The following PXDC1 variants were observed in gnomAD, a reference collection of about 807,000 sequenced individuals.
PXDC1 encodes PX domain containing 1.
A neutral mutation model predicts 24.4 loss-of-function variants in PXDC1; 13 were observed. The observed-to-expected ratio is 0.53, with a 90% CI of 0.35 to 0.85. The LOEUF (loss-of-function observed/expected upper bound fraction) is 0.85, where lower values mean the gene tolerates loss of function less well. Among genes scored for constraint, PXDC1 ranks in the 40% least tolerant of loss-of-function variants. PXDC1 has a pLI of 0.01. For missense variants in PXDC1, 344 were observed against 309.3 expected, an observed-to-expected ratio of 1.11 and a Z score of -0.84; for synonymous variants, 162 against 124.9, an observed-to-expected ratio of 1.30 and a Z score of -1.98.
chr6:3,728,107 T>C lies in PXDC1; in HGVS notation c.467-445A>G, dbSNP rs1174290893. On this transcript the variant is annotated intron_variant, in intron 3 of 4. Coordinates refer to ENST00000380283, the MANE Select transcript of PXDC1 (RefSeq NM_183373.4). The surrounding 1 kb of genome is among the most constrained non-coding windows in gnomAD (Gnocchi z 4.0). ...GAGTAACAATATTGACTGCCCTGGG[T>C]TGTTGTTCTGACTGAATGAAATCAG... Among the ~76,000 whole-genome samples, 1 of 152,180 alleles carries C rather than the reference T, an allele frequency of 6.6e-6. No individual in the cohort carries two copies. The highest frequency in any genetic ancestry group is 1.5e-5 in the Non-Finnish European group (1 of 68,030).
chr6:3,749,713 A>G (rs1476860964), intron 1 of PXDC1, among the ~76,000 whole-genome samples: 2 of 152,070 alleles, frequency 1.3e-5, no homozygotes, highest in African/African-American at 4.8e-5. Context: ...ACCCTCTACC[A>G]TGCCTTTCAG....
intron 3 of PXDC1, among the ~76,000 whole-genome samples, chr6:3,735,821 G>T (rs1421802373): frequency 1.3e-5 from 2 of 152,152 alleles, no homozygotes; most frequent in Non-Finnish European, 2.9e-5. Flanking sequence ...ACTCTGATTT[G>T]ATTTTTACAC....
In PXDC1 at chr6:3,724,330, C is replaced by T. The variant is rs1055753035; in HGVS notation, c.579-594G>A. Among the ~76,000 whole-genome samples the T allele has an allele frequency of 6.6e-6, 1 of 152,096 alleles. No homozygotes were observed. Among genetic ancestry groups the T allele is most frequent in the Non-Finnish European group, 1.5e-5 (1 of 68,022 alleles). On this transcript the variant is annotated intron_variant, in intron 4 of 4. Coordinates refer to ENST00000380283, the MANE Select transcript of PXDC1 (RefSeq NM_183373.4). This position sits in a 1 kb window ranked among gnomAD's most constrained non-coding sequence, Gnocchi z 4.5. Reference sequence around the variant, plus strand: ...GAAGCATCCGAACATGGGGGACTTACATGGGGTGTGGAGAACTAGGGAAGA... The same window carrying T: ...GAAGCATCCGAACATGGGGGACTTATATGGGGTGTGGAGAACTAGGGAAGA...
At chr6:3,738,959 T>G (rs4959871) in intron 1 of PXDC1, 1 of 1,294,946 alleles carries the variant, frequency 7.7e-7, no homozygotes, top group Middle Eastern at 3.2e-4. Context: ...CCGAGGCTGA[T>G]GCAAACGTGC....
chr6:3,750,496 C>A (rs1760678797), intron 1 of PXDC1, among the ~76,000 whole-genome samples: 1 of 152,172 alleles, frequency 6.6e-6, no homozygotes. Flanking sequence ...CAATTCCAGT[C>A]CCTCTCTCTT....
chr6:3,744,466 G>A (rs904787015), intron 1 of PXDC1, among the ~76,000 whole-genome samples: 3 of 152,196 alleles, frequency 2.0e-5, no homozygotes, highest in Admixed American at 6.5e-5. Context: ...CCACACTCCC[G>A]GGCAGGAGGC....
chr6:3,743,006 A>G (rs1760482879), intron 1 of PXDC1, among the ~76,000 whole-genome samples: 1 of 152,246 alleles, frequency 6.6e-6, no homozygotes, highest in East Asian at 1.9e-4. Flanking sequence ...TGGAGGCAGT[A>G]CAAAAATCTG....
chr6:3,736,848 C>T (rs572123134), intron 3 of PXDC1, among the ~76,000 whole-genome samples: 2 of 152,266 alleles, frequency 1.3e-5, no homozygotes, highest in South Asian at 2.1e-4. Context: ...AAGTGAGTTC[C>T]AATTTACATG....
intron 3 of PXDC1, among the ~76,000 whole-genome samples, chr6:3,735,742 G>C (rs1443540699): frequency 6.6e-6 from 1 of 152,164 alleles, no homozygotes; most frequent in African/African-American, 2.4e-5. Context: ...AAAATAGCTG[G>C]AAGAGAGGAT....
chr6:3,751,222 T>C (rs189686942), intron 1 of PXDC1, 54 bp downstream of exon 1: 2 of 1,301,318 alleles, frequency 1.5e-6, no homozygotes, highest in Admixed American at 6.4e-5. Flanking sequence ...GCCTCCTTCG[T>C]GCACTTCAAG....
Position 3,737,786 on chromosome 6 carries a change from C to A in PXDC1, c.348+271G>T, listed in dbSNP as rs1448554324. 7 of 575,660 alleles carry A rather than the reference C, an allele frequency of 1.2e-5. No homozygotes were observed. Among genetic ancestry groups the A allele is most frequent in the Non-Finnish European group, 1.5e-5 (7 of 455,920 alleles). 35.7% of individuals were successfully genotyped at this position (575,660 alleles called of 1,614,324 possible). On this transcript the variant is annotated intron_variant, in intron 2 of 4. Coordinates refer to ENST00000380283, the MANE Select transcript of PXDC1 (RefSeq NM_183373.4). This position sits in a 1 kb window ranked among gnomAD's most constrained non-coding sequence, Gnocchi z 5.5. The stretch of plus-strand genomic sequence containing the variant: ...GCAGCCAGAGGGGATCCGCACCCTT[C>A]CACCCATGCCTCCTTGCATCCCTCA...
At chr6:3,744,604 G>A (rs192147699) in intron 1 of PXDC1, among the ~76,000 whole-genome samples, 395 of 152,350 alleles carry the variant, frequency 2.6e-3, no homozygotes, top group Admixed American at 3.5e-3. Flanking sequence ...CACAAATCCC[G>A]GGAAAGGGCC....
At position 3,727,633 on chromosome 6, in the gene PXDC1, C is replaced by T. The variant is rs768265819; in HGVS notation, c.496G>A (p.Ala166Thr). Residue 166 changes from alanine (A) to threonine (T), a missense_variant, in exon 4 of 5, where the codon GCA becomes ACA. Physicochemically the swap from Ala to Thr is moderately conservative, Grantham distance 58. Transcript: ENST00000380283. ...EIMRSNGFCL[A>T]NTETIVIDHS... ...TCAATAACTATTGTTTCGGTATTTG[C>T]TAAACAAAATCCATTGGACCTCATG... The T allele has an allele frequency of 5.0e-6, 8 of 1,613,822 alleles. No individual in the cohort carries two copies. Among genetic ancestry groups the T allele is most frequent in the Non-Finnish European group, 5.9e-6 (7 of 1,179,706 alleles).
rs774713331 is a variant in PXDC1, at chr6:3,751,562, C to T, written c.-31G>A. The T allele has an allele frequency of 2.7e-6, 4 of 1,496,000 alleles. No individual in the cohort carries two copies. The highest frequency in any genetic ancestry group is 1.3e-5 in the South Asian group (1 of 78,946). The allele number at this position is 1,496,000 out of a possible 1,614,324, so 92.7% of individuals were successfully genotyped here. A position where few individuals can be genotyped will look rare whatever the true frequency, so the allele number is the denominator to read the frequency against. ...ACGCATGCCCCCGCCAAGGGCTCCCCAGCCCCGCCGCCCGCCCGCCCGCAG... is the reference window on the plus strand; with the variant it reads ...ACGCATGCCCCCGCCAAGGGCTCCCTAGCCCCGCCGCCCGCCCGCCCGCAG... On this transcript the variant is annotated 5_prime_UTR_variant, in exon 1 of 5. Coordinates refer to ENST00000380283, the MANE Select transcript of PXDC1 (RefSeq NM_183373.4).
At chr6:3,746,570 G>T (rs1007932595) in intron 1 of PXDC1, among the ~76,000 whole-genome samples, 1 of 152,140 alleles carries the variant, frequency 6.6e-6, no homozygotes, top group East Asian at 1.9e-4. Context: ...AATTCTGCAC[G>T]GGGGTGGAGC....
intron 1 of PXDC1, among the ~76,000 whole-genome samples, chr6:3,741,157 G>C (rs1215191439): frequency 2.0e-5 from 3 of 152,196 alleles, no homozygotes; most frequent in African/African-American, 7.2e-5. Context: ...CAGGCTCTTC[G>C]GTCACCAGCC....
At chr6:3,733,222 C>T (rs1281144067) in intron 3 of PXDC1, among the ~76,000 whole-genome samples, 1 of 152,128 alleles carries the variant, frequency 6.6e-6, no homozygotes, top group African/African-American at 2.4e-5. Context: ...GAGAGAAAGC[C>T]GTGTGGACAG....
At chr6:3,743,450 G>A (rs140415609) in intron 1 of PXDC1, among the ~76,000 whole-genome samples, 6 of 151,980 alleles carry the variant, frequency 3.9e-5, no homozygotes, top group African/African-American at 1.5e-4. Flanking sequence ...AGAGGTGAAG[G>A]GGGGAACGCA....
In PXDC1 at chr6:3,751,646, C is replaced by A. The variant is rs1236057389; in HGVS notation, c.-115G>T. 14 of 1,333,012 alleles carry A rather than the reference C, an allele frequency of 1.1e-5. No individual in the cohort carries two copies. The highest frequency in any genetic ancestry group is 1.3e-5 in the Non-Finnish European group (14 of 1,046,828). The allele number at this position is 1,333,012 out of a possible 1,614,324, so 82.6% of individuals were successfully genotyped here. On this transcript the variant is annotated 5_prime_UTR_variant, in exon 1 of 5. Transcript: ENST00000380283. ...GTCCGTGGCCGGGGTCGTCCGGGGTCGGCCCGTCACTCCAAGGAGGCTGCG... is the reference window on the plus strand; with the variant it reads ...GTCCGTGGCCGGGGTCGTCCGGGGTAGGCCCGTCACTCCAAGGAGGCTGCG...
Sources: allele counts gnomAD v4.1 joint callset (sites outside exome capture counted in the v4.1 genomes callset), GRCh38; gene constraint gnomAD v4.1.1; non-coding constraint Gnocchi (gnomAD v3.1); transcripts MANE v1.5; gene names NCBI Gene and HGNC (gene_info 2026-07-23, HGNC 2026-07-21).